MYO18B: variants seen among roughly 807,000 people sequenced by gnomAD.
MYO18B encodes the protein unconventional myosin-XVIIIb.
MYO18B carries 204 observed loss-of-function variants against 273.0 expected under a neutral mutation model. The ratio of observed to expected loss-of-function variants is 0.75; its 90% CI spans 0.67 to 0.84. The LOEUF (loss-of-function observed/expected upper bound fraction) is 0.84. MYO18B is among the 40% of genes least tolerant of loss of function. The probability of loss-of-function intolerance (pLI) is 0.00; values close to 1 mark genes in which losing one functional copy is unlikely to be tolerated. For synonymous variants in MYO18B, 1,330 were observed against 1,305.7 expected, an observed-to-expected ratio of 1.02 and a Z score of -0.40; for missense variants, 3,212 against 3,287.6, an observed-to-expected ratio of 0.98 and a Z score of 0.56.
chr22:25,798,547 T>C (rs1028156840), intron 12 of MYO18B, among the ~76,000 whole-genome samples: 2 of 152,064 alleles, frequency 1.3e-5, no homozygotes, highest in African/African-American at 4.8e-5. Context: ...GTAAAGGTGC[T>C]GTGTTTTTTT....
chr22:25,992,545 T>C, intron 40 of MYO18B, 52 bp downstream of exon 40: 1 of 1,609,920 alleles, frequency 6.2e-7, no homozygotes, highest in Admixed American at 1.7e-5. Context: ...GGCGGCATCC[T>C]GGGGAGCTCT....
intron 36 of MYO18B, among the ~76,000 whole-genome samples, chr22:25,949,450 A>C (rs2092766205): frequency 6.6e-6 from 1 of 151,972 alleles, no homozygotes; most frequent in Non-Finnish European, 1.5e-5. Flanking sequence ...TATGATGTGG[A>C]ATCCCCAGCA....
the MYO18B span, among the ~76,000 whole-genome samples, chr22:26,054,366 C>CAAA: frequency 6.6e-6 from 1 of 152,162 alleles, no homozygotes; most frequent in East Asian, 1.9e-4. Context: ...GCTCAGTTTC[C>CAAA]CTGCCGAGAA....
At chr22:25,791,081 G>C (rs1162179198) in intron 11 of MYO18B, among the ~76,000 whole-genome samples, 1 of 152,144 alleles carries the variant, frequency 6.6e-6, no homozygotes, top group Non-Finnish European at 1.5e-5. Context: ...AACTCAACTG[G>C]GTCTCACCCA....
chr22:25,883,315 A>G lies in MYO18B; in HGVS notation c.4314+5267A>G, dbSNP rs1204279974. 2.6e-5 allele frequency: 4 copies of G among 152,282 alleles called. No individual in the cohort carries two copies. In the East Asian group the frequency reaches 7.7e-4, roughly 29 times the overall value. The allele number at this position is 152,282 out of a possible 1,614,324, so 9.4% of individuals were successfully genotyped here. On this transcript the variant is annotated intron_variant, in intron 25 of 43. Coordinates refer to ENST00000335473, the MANE Select transcript of MYO18B (RefSeq NM_032608.7). The surrounding 1 kb of genome is among the most constrained non-coding windows in gnomAD (Gnocchi z 7.6). ...TGGTATGGGGGGTAGGGAGCCCTCC[A>G]GCCCCTAGGCAATCCTGATTCAGAG...
chr22:25,828,809 C>T lies in MYO18B; in HGVS notation c.2820C>T (p.Ser940=). The T allele has an allele frequency of 6.2e-7, 1 of 1,613,916 alleles. No individual in the cohort carries two copies. Among genetic ancestry groups the T allele is most frequent in the East Asian group, 2.2e-5 (1 of 44,884 alleles). The change falls in exon 15 of 44, where the codon TCC becomes TCT. Residue 940 remains serine, a synonymous_variant. Transcript: ENST00000335473. ...CCTCCCACCATCTCTCCATGGCCTC[C>T]ATCATGGTGGTGGACTCTCCAGGCT... The part of the protein sequence containing the change: ...SFSSHHLSMA[S]IMVVDSPGFQ...
chr22:25,934,924 A>G (rs1453855966), intron 34 of MYO18B, among the ~76,000 whole-genome samples: 1 of 137,130 alleles, frequency 7.3e-6, no homozygotes. Flanking sequence ...TCAGTGCTCA[A>G]TCAGTTTCTG....
chr22:26,006,710 C>A (rs556658393), intron 42 of MYO18B, among the ~76,000 whole-genome samples: 1 of 152,256 alleles, frequency 6.6e-6, no homozygotes, highest in African/African-American at 2.4e-5. Flanking sequence ...AGCTGCTTAA[C>A]TTCTCTGTTC....
chr22:25,960,138 G>T lies in MYO18B; in HGVS notation c.6156+4774G>T, dbSNP rs527623826. 5.7e-4 allele frequency among the ~76,000 whole-genome samples: 87 copies of T among 151,998 alleles called. 1 individual carries two copies. The highest frequency in any genetic ancestry group is 8.2e-4 in the Non-Finnish European group (56 of 67,932). On this transcript the variant is annotated intron_variant, in intron 39 of 43. Coordinates refer to ENST00000335473, the MANE Select transcript of MYO18B (RefSeq NM_032608.7). ...CCCTCCGGTGGAACTTTGCTTCCCAGAAAAAAGAAAAATGAGGTTTTCCCA... is the reference window on the plus strand; with the variant it reads ...CCCTCCGGTGGAACTTTGCTTCCCATAAAAAAGAAAAATGAGGTTTTCCCA...
intron 21 of MYO18B, 57 bp from the exon 22 acceptor site, chr22:25,868,263 C>G (rs765348748): frequency 8.1e-5 from 118 of 1,462,978 alleles, no homozygotes; most frequent in Admixed American, 1.2e-4. Context: ...TTGACTTTCC[C>G]CTTTAGGATC....
chr22:25,933,872 C>G lies in MYO18B; in HGVS notation c.5518-12265C>G, dbSNP rs2092543352. ...AACTAGAAGTGTGGTATCTCTGGGT[C>G]ATAGTACACATGGTTTTTGTCTTTA... On this transcript the variant is annotated intron_variant, in intron 34 of 43. Coordinates refer to ENST00000335473, the MANE Select transcript of MYO18B (RefSeq NM_032608.7). Among the ~76,000 whole-genome samples the G allele has an allele frequency of 2.6e-5, 4 of 152,106 alleles. No homozygotes were observed. The South Asian group carries it at 8.3e-4, about 32-fold the overall frequency.
the MYO18B span, among the ~76,000 whole-genome samples, chr22:26,039,613 TTTTG>T: frequency 0.09 from 13,693 of 151,986 alleles, 685 homozygotes; most frequent in Middle Eastern, 0.17. Context: ...GTTTTTTTGT[TTTTG>T]TTTTTGTTTT....
chr22:26,018,151 C>A (rs1478431832), intron 42 of MYO18B, among the ~76,000 whole-genome samples: 1 of 152,040 alleles, frequency 6.6e-6, no homozygotes, highest in African/African-American at 2.4e-5. Context: ...CCACTCAGGG[C>A]AGCTCGATGG....
At chr22:25,760,284 A>G (rs1035860123) in intron 1 of MYO18B, among the ~76,000 whole-genome samples, 1 of 151,938 alleles carries the variant, frequency 6.6e-6, no homozygotes, top group African/African-American at 2.4e-5. Context: ...GTGTGGTGGC[A>G]TACACCTGTA....
chr22:25,803,000 C>T (rs1474606030), intron 12 of MYO18B, among the ~76,000 whole-genome samples: 3 of 144,278 alleles, frequency 2.1e-5, no homozygotes, highest in Middle Eastern at 3.7e-3. Context: ...CTTGCTCTGT[C>T]GCCCAGGCTG....
intron 17 of MYO18B, 83 bp from the exon 18 acceptor site, chr22:25,843,652 A>G (rs2090149051): frequency 7.0e-7 from 1 of 1,432,972 alleles, no homozygotes; most frequent in East Asian, 2.3e-5. Flanking sequence ...GTTAAGATGG[A>G]TACTGTGCGT....
chr22:25,988,243 T>G (rs2093223838), intron 39 of MYO18B, among the ~76,000 whole-genome samples: 1 of 152,026 alleles, frequency 6.6e-6, no homozygotes, highest in Non-Finnish European at 1.5e-5. Flanking sequence ...ACTGCGTTTG[T>G]TTAGCCTAAT....
intron 12 of MYO18B, among the ~76,000 whole-genome samples, chr22:25,813,099 A>G (rs1189041007): frequency 3.4e-5 from 4 of 118,066 alleles, no homozygotes; most frequent in Non-Finnish European, 6.8e-5. Context: ...TCCCTCTTCT[A>G]TTCTCCTCTT....
chr22:25,936,477 G>A lies in MYO18B; in HGVS notation c.5518-9660G>A, dbSNP rs77617996. On this transcript the variant is annotated intron_variant, in intron 34 of 43. Transcript: ENST00000335473. ...AAGCTGTGGACTTAAAAGAGACCTC[G>A]GTTCAGATTCTGCCACCTTCACTAT... 4.8e-3 allele frequency among the ~76,000 whole-genome samples: 734 copies of A among 152,250 alleles called. 10 individuals are homozygous for A. The highest frequency in any genetic ancestry group is 5.5e-3 in the Non-Finnish European group (372 of 68,004).
Sources: gnomAD v4.1 joint callset for allele counts (sites outside exome capture counted in the v4.1 genomes callset) on GRCh38, gnomAD v4.1.1 for gene constraint, Gnocchi (gnomAD v3.1) non-coding constraint, MANE v1.5 for transcripts, NCBI Gene and HGNC (gene_info 2026-07-23, HGNC 2026-07-21) for gene names.